The following PPM1L variants were observed in gnomAD, a reference collection of about 807,000 sequenced individuals.
PPM1L encodes protein phosphatase 1L.
PPM1L carries 13 observed loss-of-function variants against 31.4 expected under a neutral mutation model. That is an observed-to-expected ratio of 0.41 (90% CI 0.27 to 0.66). PPM1L has a LOEUF of 0.66. PPM1L is among the 30% of genes least tolerant of loss of function. The pLI is 0.29. For missense variants in PPM1L, 326 were observed against 453.7 expected (o/e 0.72, Z 2.56); for synonymous variants, 184 against 175.4 (o/e 1.05, Z -0.39).
At chr3:160,992,968 T>G (rs1379578613) in intron 2 of PPM1L, among the ~76,000 whole-genome samples, 1 of 152,196 alleles carries the variant, frequency 6.6e-6, no homozygotes, top group Admixed American at 6.5e-5. Context: ...GGAGCCAAAC[T>G]GAGCCATAAC....
intron 1 of PPM1L, among the ~76,000 whole-genome samples, chr3:160,937,247 T>A (rs1030197959): frequency 5.3e-5 from 8 of 152,216 alleles, no homozygotes; most frequent in African/African-American, 1.9e-4. Context: ...GTTAAATAAT[T>A]TAAATTCATT....
intron 1 of PPM1L, among the ~76,000 whole-genome samples, chr3:160,790,746 A>G (rs1560107911): frequency 6.6e-6 from 1 of 152,140 alleles, no homozygotes; most frequent in Non-Finnish European, 1.5e-5. Context: ...CAGAGAAGTC[A>G]CAGAGGGATG....
At chr3:160,791,551 C>T (rs1192955907) in intron 1 of PPM1L, among the ~76,000 whole-genome samples, 1 of 152,082 alleles carries the variant, frequency 6.6e-6, no homozygotes, top group African/African-American at 2.4e-5. Flanking sequence ...TGAGCACTTG[C>T]TGTGTGACAG....
intron 1 of PPM1L, among the ~76,000 whole-genome samples, chr3:160,844,773 A>T (rs144782388): frequency 6.6e-6 from 1 of 152,114 alleles, no homozygotes; most frequent in South Asian, 2.1e-4. Flanking sequence ...ATTCACCCAT[A>T]TAAAGTGTAC....
intron 2 of PPM1L, among the ~76,000 whole-genome samples, chr3:161,032,065 G>A (rs1718582404): frequency 6.6e-6 from 1 of 152,066 alleles, no homozygotes; most frequent in Non-Finnish European, 1.5e-5. Flanking sequence ...TTTATTTTAG[G>A]GCTTGAACAC....
chr3:160,987,966 T>TTGCCC (rs1717017600), intron 2 of PPM1L, among the ~76,000 whole-genome samples: 1 of 152,200 alleles, frequency 6.6e-6, no homozygotes, highest in African/African-American at 2.4e-5. Context: ...GGGCCAGGCT[T>TTGCCC]ATATGGCGGA....
chr3:160,986,845 A>C (rs1389365397), intron 2 of PPM1L, among the ~76,000 whole-genome samples: 1 of 152,192 alleles, frequency 6.6e-6, no homozygotes, highest in East Asian at 1.9e-4. Flanking sequence ...ATCTTGGAAA[A>C]TTTATATCAA....
intron 1 of PPM1L, among the ~76,000 whole-genome samples, chr3:160,916,629 T>G (rs551257023): frequency 2.1e-4 from 32 of 152,158 alleles, no homozygotes; most frequent in South Asian, 1.0e-3. Flanking sequence ...TGCAATCTAC[T>G]TAAAAAAAAT....
chr3:161,003,816 T>C (rs1354117397), intron 2 of PPM1L, among the ~76,000 whole-genome samples: 4 of 151,606 alleles, frequency 2.6e-5, no homozygotes, highest in South Asian at 4.2e-4. Flanking sequence ...CTTTTCCTAA[T>C]TGATTACCCT....
chr3:160,895,523 G>A (rs889708916), intron 1 of PPM1L, among the ~76,000 whole-genome samples: 4 of 152,096 alleles, frequency 2.6e-5, no homozygotes, highest in Non-Finnish European at 4.4e-5. Context: ...CAGCCCACCT[G>A]CTGTTTTAAT....
intron 2 of PPM1L, among the ~76,000 whole-genome samples, chr3:160,974,844 T>C (rs1716508561): frequency 6.9e-6 from 1 of 144,798 alleles, no homozygotes; most frequent in South Asian, 2.3e-4. Context: ...CTGATGGTAG[T>C]TTCTTTTGCT....
Position 160,901,649 on chromosome 3 carries a change from A to C in PPM1L, c.400-60087A>C, listed in dbSNP as rs115321182. On this transcript the variant is annotated intron_variant, in intron 1 of 3. Transcript: ENST00000498165. ...CAGGACCCTGCGCATAGGTCACCTT[A>C]TCTCAAGCGCTTGAATATGCCTCAT... Among the ~76,000 whole-genome samples, 723 of 152,242 alleles carry C rather than the reference A, an allele frequency of 4.7e-3. 6 individuals carry two copies. The highest frequency in any genetic ancestry group is 0.016 in the African/African-American group (680 of 41,544).
At chr3:160,829,787 G>A (rs2108096656) in intron 1 of PPM1L, among the ~76,000 whole-genome samples, 1 of 152,240 alleles carries the variant, frequency 6.6e-6, no homozygotes, top group South Asian at 2.1e-4. Context: ...AGCAGCTTTG[G>A]TTTATCAGGA....
chr3:160,974,978 T>C (rs1716513797), intron 2 of PPM1L, among the ~76,000 whole-genome samples: 1 of 152,166 alleles, frequency 6.6e-6, no homozygotes, highest in Admixed American at 6.5e-5. Flanking sequence ...AATGCCTAGA[T>C]TTTCTTCTAG....
intron 2 of PPM1L, among the ~76,000 whole-genome samples, chr3:161,037,463 A>G (rs369526387): frequency 1.1e-4 from 15 of 136,476 alleles, no homozygotes; most frequent in African/African-American, 4.2e-4. Context: ...TGCCCAGGCT[A>G]GAGTGCAATG....
intron 2 of PPM1L, among the ~76,000 whole-genome samples, chr3:161,016,963 C>T (rs1559926007): frequency 6.6e-6 from 1 of 152,104 alleles, no homozygotes; most frequent in Non-Finnish European, 1.5e-5. Flanking sequence ...CTGAACAAAA[C>T]ATAATGCACT....
Position 160,788,602 on chromosome 3 carries a change from T to A in PPM1L, c.399+31895T>A, listed in dbSNP as rs1021954983. Among the ~76,000 whole-genome samples the A allele has an allele frequency of 1.3e-5, 2 of 152,174 alleles. 1 individual carries two copies. Among genetic ancestry groups the A allele is most frequent in the South Asian group, 4.1e-4 (2 of 4,824 alleles). Reference sequence around the variant, plus strand: ...ATCTTATGCCATCACATTTAGCAATTTTATTATTTTGGGATTTTGAATTTT... The same window carrying A: ...ATCTTATGCCATCACATTTAGCAATATTATTATTTTGGGATTTTGAATTTT... On this transcript the variant is annotated intron_variant, in intron 1 of 3. Transcript: ENST00000498165.
intron 2 of PPM1L, among the ~76,000 whole-genome samples, chr3:161,025,429 C>T (rs7628880): frequency 1.3e-5 from 2 of 151,822 alleles, no homozygotes; most frequent in Admixed American, 6.6e-5. Flanking sequence ...TAAATTAGCC[C>T]GGCATGGTGG....
intron 1 of PPM1L, among the ~76,000 whole-genome samples, chr3:160,955,153 G>A (rs1433470327): frequency 1.3e-5 from 2 of 151,858 alleles, no homozygotes; most frequent in African/African-American, 4.8e-5. Flanking sequence ...TGGGACTACA[G>A]GCATGCACCA....
Sources: gnomAD v4.1 joint callset for allele counts (sites outside exome capture counted in the v4.1 genomes callset) on GRCh38, gnomAD v4.1.1 for gene constraint, MANE v1.5 for transcripts, NCBI Gene and HGNC (gene_info 2026-07-23, HGNC 2026-07-21) for gene names.